Variants in MMP16 observed in about 807,000 individuals in gnomAD.
MMP16 encodes matrix metalloproteinase-16.
MMP16 carries 12 observed loss-of-function variants against 67.8 expected under a neutral mutation model. That is an observed-to-expected ratio of 0.18 (90% CI 0.11 to 0.29). The LOEUF is 0.29. Among genes scored for constraint, MMP16 ranks in the 10% least tolerant of loss-of-function variants. MMP16 has a pLI of 1.00. For synonymous variants in MMP16, 249 were observed against 255.9 expected, an observed-to-expected ratio of 0.97 and a Z score of 0.26; for missense variants, 475 against 765.7, an observed-to-expected ratio of 0.62 and a Z score of 4.48.
chr8:88,095,305 A>T (rs983431447), intron 6 of MMP16, among the ~76,000 whole-genome samples: 9 of 151,416 alleles, frequency 5.9e-5, no homozygotes, highest in Non-Finnish European at 1.0e-4. Flanking sequence ...TTTTTTTTCC[A>T]CCAGCAACCT....
intron 1 of MMP16, among the ~76,000 whole-genome samples, chr8:88,264,082 T>C (rs1236831740): frequency 6.6e-6 from 1 of 151,258 alleles, no homozygotes; most frequent in Non-Finnish European, 1.5e-5. Context: ...TGTGTGTGTG[T>C]GTGTGTGTGT....
chr8:88,206,274 A>T (rs1216535530), intron 1 of MMP16, among the ~76,000 whole-genome samples: 3 of 152,116 alleles, frequency 2.0e-5, no homozygotes, highest in Admixed American at 2.0e-4. Flanking sequence ...CCAAACTGAA[A>T]CTATATATAG....
intron 4 of MMP16, among the ~76,000 whole-genome samples, chr8:88,150,978 C>T (rs1011168209): frequency 1.3e-3 from 187 of 141,572 alleles, no homozygotes; most frequent in African/African-American, 4.6e-3. Flanking sequence ...ATCTCACGTG[C>T]AGAGACACAC....
chr8:88,246,018 T>C (rs16880226), intron 1 of MMP16, among the ~76,000 whole-genome samples: 19,389 of 152,136 alleles, frequency 0.13, 2,693 homozygotes, highest in African/African-American at 0.35. Flanking sequence ...TCTCTGTTAA[T>C]GTACCCCTTT....
chr8:88,128,635 A>C (rs1807975018), intron 4 of MMP16, among the ~76,000 whole-genome samples: 2 of 151,854 alleles, frequency 1.3e-5, no homozygotes, highest in Non-Finnish European at 2.9e-5. Context: ...ATCATCAAGC[A>C]AGATAGAGTC....
At position 88,324,320 on chromosome 8, in the gene MMP16, T is replaced by TA. The variant is rs375849215; in HGVS notation, c.132+2754dup. 3.6e-3 allele frequency among the ~76,000 whole-genome samples: 555 copies of TA among 152,216 alleles called. 4 individuals carry two copies. The highest frequency in any genetic ancestry group is 0.013 in the African/African-American group (528 of 41,564). ...TGACAACTCCAAATATTTATACCCT[T>TA]AAAAATCAGACAGGAAAGAGTTAAC... On this transcript the variant is annotated intron_variant, in intron 1 of 9. Transcript: ENST00000286614.
At chr8:88,048,590 G>A (rs1172069122) in intron 8 of MMP16, among the ~76,000 whole-genome samples, 1 of 152,104 alleles carries the variant, frequency 6.6e-6, no homozygotes, top group African/African-American at 2.4e-5. Flanking sequence ...GAGAATTCTT[G>A]GAGGACAATG....
At chr8:88,266,480 C>G (rs182685864) in intron 1 of MMP16, among the ~76,000 whole-genome samples, 1 of 151,922 alleles carries the variant, frequency 6.6e-6, no homozygotes, top group Non-Finnish European at 1.5e-5. Flanking sequence ...TTTTATAGAT[C>G]AGATAACTTA....
At chr8:88,109,780 A>G (rs564055810) in intron 6 of MMP16, among the ~76,000 whole-genome samples, 12 of 151,446 alleles carry the variant, frequency 7.9e-5, no homozygotes, top group Admixed American at 2.0e-4. Context: ...GTCAATATAA[A>G]AAAGATAAAT....
At chr8:88,195,908 A>G (rs1289054261) in intron 2 of MMP16, among the ~76,000 whole-genome samples, 1 of 152,220 alleles carries the variant, frequency 6.6e-6, no homozygotes, top group East Asian at 1.9e-4. Flanking sequence ...TGTTGATAAA[A>G]TAGAAAAATT....
chr8:88,062,379 T>A (rs1226461865), intron 7 of MMP16, among the ~76,000 whole-genome samples: 1 of 152,142 alleles, frequency 6.6e-6, no homozygotes, highest in African/African-American at 2.4e-5. Context: ...GTGGCACTAT[T>A]CACAATAGCA....
chr8:88,306,441 A>G (rs1481135463), intron 1 of MMP16, among the ~76,000 whole-genome samples: 1 of 152,118 alleles, frequency 6.6e-6, no homozygotes, highest in Non-Finnish European at 1.5e-5. Context: ...TATGACACCA[A>G]CATCATCCTG....
Position 88,033,999 on chromosome 8 carries a change from A to G in MMP16, c.*7462T>C, listed in dbSNP as rs1808019551. 1 of 152,054 alleles carries G rather than the reference A, an allele frequency of 6.6e-6. No homozygotes were observed. Among genetic ancestry groups the G allele is most frequent in the South Asian group, 2.1e-4 (1 of 4,834 alleles). 9.4% of individuals were successfully genotyped at this position (152,054 alleles called of 1,614,324 possible). On this transcript the variant is annotated 3_prime_UTR_variant, in exon 10 of 10. Transcript: ENST00000286614. ...AAAAGCAAATTTCCTTAGCTATCCT[A>G]TCAACAGGCAATACCCATCATACTC...
chr8:88,315,153 G>A (rs1811357502), intron 1 of MMP16, among the ~76,000 whole-genome samples: 1 of 152,030 alleles, frequency 6.6e-6, no homozygotes, highest in African/African-American at 2.4e-5. Context: ...TTACCTTATT[G>A]CACTTCACAG....
At chr8:88,190,945 TGA>T (rs1480268873) in intron 2 of MMP16, among the ~76,000 whole-genome samples, 2 of 152,234 alleles carry the variant, frequency 1.3e-5, no homozygotes, top group African/African-American at 4.8e-5. Flanking sequence ...AATTTTAAGT[TGA>T]CATCCCAAAG....
rs200690803 is a variant in MMP16, at chr8:88,166,348, T to C, written c.709+1321A>G. ...AATAAAAACTGGGGATATGGCTATA[T>C]AGAAATCTTATAATTCTATGATCCT... On this transcript the variant is annotated intron_variant, in intron 4 of 9. Coordinates refer to ENST00000286614, the MANE Select transcript of MMP16 (RefSeq NM_005941.5). 2.2e-4 allele frequency among the ~76,000 whole-genome samples: 34 copies of C among 152,168 alleles called. No individual in the cohort carries two copies. The East Asian group carries it at 5.4e-3, about 24-fold the overall frequency.
chr8:88,075,807 T>G (rs540126901), intron 6 of MMP16, among the ~76,000 whole-genome samples: 45 of 152,188 alleles, frequency 3.0e-4, no homozygotes, highest in Non-Finnish European at 4.4e-5. Context: ...ATTCTCTGCT[T>G]TCTTTCTTGC....
In MMP16 at chr8:88,216,124, G is replaced by C. The variant is rs182790368; in HGVS notation, c.133-18818C>G. Among the ~76,000 whole-genome samples the C allele has an allele frequency of 2.7e-3, 406 of 152,210 alleles. 5 individuals are homozygous for C. In the Middle Eastern group the frequency reaches 0.048, roughly 18 times the overall value. On this transcript the variant is annotated intron_variant, in intron 1 of 9. Coordinates refer to ENST00000286614, the MANE Select transcript of MMP16 (RefSeq NM_005941.5). ...GTGCACAGACTGGTATGTCTCTGAGGTCTGAGATAAACAAAAAATAAGAGT... is the reference window on the plus strand; with the variant it reads ...GTGCACAGACTGGTATGTCTCTGAGCTCTGAGATAAACAAAAAATAAGAGT...
chr8:88,271,248 C>T (rs1330761434), intron 1 of MMP16, among the ~76,000 whole-genome samples: 1 of 152,122 alleles, frequency 6.6e-6, no homozygotes, highest in African/African-American at 2.4e-5. Context: ...TACTTATGAC[C>T]TGGTAGAATT....
Sources: gnomAD v4.1 joint callset for allele counts (sites outside exome capture counted in the v4.1 genomes callset) on GRCh38, gnomAD v4.1.1 for gene constraint, MANE v1.5 for transcripts, NCBI Gene and HGNC (gene_info 2026-07-23, HGNC 2026-07-21) for gene names.